The following FBXL19 variants were observed in gnomAD, a reference collection of about 807,000 sequenced individuals.
The protein encoded by FBXL19 is F-box and leucine rich repeat protein 19, also known as F-box/LRR-repeat protein 19.
A neutral mutation model predicts 71.2 loss-of-function variants in FBXL19; 16 were observed. That is an observed-to-expected ratio of 0.22 (90% confidence interval 0.15 to 0.34). The LOEUF is 0.34. FBXL19 is among the 10% of genes least tolerant of loss of function. The pLI is 1.00. For synonymous variants in FBXL19, 447 were observed against 409.4 expected (o/e 1.09, Z -1.11); for missense variants, 658 against 968.2 (o/e 0.68, Z 4.25).
chr16:30,927,566 C>T lies in FBXL19; in HGVS notation c.322-7C>T. ...CAACCCCCCACTCACTGCCCTCCTGCCTACAGATGGGGAAGGCTGAGGGTG... is the reference window on the plus strand; with the variant it reads ...CAACCCCCCACTCACTGCCCTCCTGTCTACAGATGGGGAAGGCTGAGGGTG... On this transcript the variant is annotated splice_region_variant and splice_polypyrimidine_tract_variant and intron_variant, in intron 3 of 10. Transcript: ENST00000338343. The T allele has an allele frequency of 1.9e-6, 3 of 1,556,478 alleles. No homozygotes were observed. The highest frequency in any genetic ancestry group is 1.9e-5 in the Admixed American group (1 of 51,352).
chr16:30,938,155 G>A (rs1268092394), intron 7 of FBXL19, among the ~76,000 whole-genome samples: 1 of 152,094 alleles, frequency 6.6e-6, no homozygotes, highest in African/African-American at 2.4e-5. Flanking sequence ...ACAGGAGAGC[G>A]AGTGGCAGAG....
chr16:30,948,066 G>A lies in FBXL19; in HGVS notation c.*836G>A, dbSNP rs2055882823. The A allele has an allele frequency of 6.8e-6, 2 of 293,878 alleles. No homozygotes were observed. The highest frequency in any genetic ancestry group is 1.1e-4 in the East Asian group (1 of 8,814). 18.2% of individuals were successfully genotyped at this position (293,878 alleles called of 1,614,324 possible). On this transcript the variant is annotated 3_prime_UTR_variant, in exon 11 of 11. Coordinates refer to ENST00000338343, the MANE Select transcript of FBXL19 (RefSeq NM_001382779.1). The stretch of plus-strand genomic sequence containing the variant: ...GGGGAATCTCGGACCTGGGGGAGCC[G>A]GGGTGTGAGGGGACTGGACCAGCTT...
chr16:30,932,265 G>A (rs1286737169), intron 7 of FBXL19, among the ~76,000 whole-genome samples: 2 of 152,184 alleles, frequency 1.3e-5, no homozygotes, highest in African/African-American at 4.8e-5. Context: ...CAGCCTGTCA[G>A]GCCTCAGAAT....
rs997381537 is a variant in FBXL19 at position 30,928,355 on chromosome 16, G to C, written c.628-112G>C. The C allele has an allele frequency of 2.6e-6, 3 of 1,164,540 alleles. No individual in the cohort carries two copies. In the Admixed American group the frequency reaches 1.0e-4, roughly 39 times the overall value. The allele number at this position is 1,164,540 out of a possible 1,614,324, so 72.1% of individuals were successfully genotyped here. A position where few individuals can be genotyped will look rare whatever the true frequency, so the allele number is the denominator to read the frequency against. Reference sequence around the variant, plus strand: ...GCATGCTCAGAGTTATCCCTGGGACGGGGGCTTCTGGGACTTGTAGTCTAA... The same window carrying C: ...GCATGCTCAGAGTTATCCCTGGGACCGGGGCTTCTGGGACTTGTAGTCTAA... On this transcript the variant is annotated intron_variant, in intron 5 of 10. Coordinates refer to ENST00000338343, the MANE Select transcript of FBXL19 (RefSeq NM_001382779.1).
intron 7 of FBXL19, among the ~76,000 whole-genome samples, chr16:30,937,619 A>G (rs1402375153): frequency 1.3e-5 from 2 of 152,102 alleles, no homozygotes; most frequent in Non-Finnish European, 2.9e-5. Flanking sequence ...GCTGTAGCCA[A>G]GGAAGGTGTG....
At position 30,930,106 on chromosome 16, in the gene FBXL19, C is replaced by G; in HGVS notation, c.823C>G (p.Pro275Ala). Residue 275 changes from proline to alanine, a missense_variant, in exon 7 of 11, where the codon CCA becomes GCA. Coordinates refer to ENST00000338343, the MANE Select transcript of FBXL19 (RefSeq NM_001382779.1). The surrounding 1 kb of genome is among the most constrained non-coding windows in gnomAD (Gnocchi z 8.5). ...PKPPLASAEG[P>A]AVPSPSPQRE... ...GCCGCCTTTGGCCTCTGCAGAGGGCCCAGCGGTGCCGTCCCCGTCCCCGCA... is the reference window on the plus strand; with the variant it reads ...GCCGCCTTTGGCCTCTGCAGAGGGCGCAGCGGTGCCGTCCCCGTCCCCGCA... 1 of 1,613,546 alleles carries G rather than the reference C, an allele frequency of 6.2e-7. No homozygotes were observed. Among genetic ancestry groups the G allele is most frequent in the Non-Finnish European group, 8.5e-7 (1 of 1,179,844 alleles).
chr16:30,923,135 G>T (rs2143290529), upstream of FBXL19: 1 of 456,734 alleles, frequency 2.2e-6, no homozygotes, highest in South Asian at 1.5e-5. Context: ...GCAGCAGATG[G>T]ACTGCGACTC....
Position 30,946,634 on chromosome 16 carries a change from A to G in FBXL19, c.1628-96A>G. ...AGCCACAGAGTGCACCAGGTCACTCACTTATGTGGGAAGCAGGTGGAGGGC... is the reference window on the plus strand; with the variant it reads ...AGCCACAGAGTGCACCAGGTCACTCGCTTATGTGGGAAGCAGGTGGAGGGC... On this transcript the variant is annotated intron_variant, in intron 9 of 10. Transcript: ENST00000338343. This position sits in a 1 kb window ranked among gnomAD's most constrained non-coding sequence, Gnocchi z 6.7. 2 of 1,212,656 alleles carry G rather than the reference A, an allele frequency of 1.6e-6. No homozygotes were observed. The highest frequency in any genetic ancestry group is 2.3e-6 in the Non-Finnish European group (2 of 866,544). 75.1% of individuals were successfully genotyped at this position (1,212,656 alleles called of 1,614,324 possible).
intron 6 of FBXL19, among the ~76,000 whole-genome samples, chr16:30,929,095 G>T (rs746895730): frequency 1.1e-4 from 17 of 152,128 alleles, no homozygotes; most frequent in Non-Finnish European, 1.9e-4. Flanking sequence ...AGGGAAATAA[G>T]GCCCAGAGAG....
intron 7 of FBXL19, among the ~76,000 whole-genome samples, chr16:30,935,715 C>T (rs1031482837): frequency 6.6e-6 from 1 of 152,060 alleles, no homozygotes; most frequent in African/African-American, 2.4e-5. Flanking sequence ...AAGGGCTGGT[C>T]CAGCTCCCTG....
chr16:30,942,027 G>T lies in FBXL19; in HGVS notation c.1302-89G>T, dbSNP rs2143381149. 2 of 1,387,374 alleles carry T rather than the reference G, an allele frequency of 1.4e-6. No homozygotes were observed. Among genetic ancestry groups the T allele is most frequent in the East Asian group, 5.1e-5 (2 of 39,410 alleles). The allele number at this position is 1,387,374 out of a possible 1,614,324, so 85.9% of individuals were successfully genotyped here. A position where few individuals can be genotyped will look rare whatever the true frequency, so the allele number is the denominator to read the frequency against. ...TGTCTGTGTGGCCAGAAGAGAGCTG[G>T]GGTGCACCCTTGGAGCTGGGGAGCC... On this transcript the variant is annotated intron_variant, in intron 7 of 10. Coordinates refer to ENST00000338343, the MANE Select transcript of FBXL19 (RefSeq NM_001382779.1). This position sits in a 1 kb window ranked among gnomAD's most constrained non-coding sequence, Gnocchi z 5.7.
At position 30,947,159 on chromosome 16, in the gene FBXL19, C is replaced by T; in HGVS notation, c.1954C>T (p.Arg652Trp). ...CRQLSPEACA[R>W]LAAAGPPGPF... Reference sequence around the variant, plus strand: ...CCAGCTCTCACCCGAAGCTTGTGCCCGGCTGGCAGCTGCCGGGCCCCCTGG... The same window carrying T: ...CCAGCTCTCACCCGAAGCTTGTGCCTGGCTGGCAGCTGCCGGGCCCCCTGG... The change falls in exon 11 of 11, where the codon CGG (arginine) becomes TGG (tryptophan). Residue 652 changes from arginine (R) to tryptophan (W), a missense_variant. Transcript: ENST00000338343. The T allele has an allele frequency of 6.3e-7, 1 of 1,599,902 alleles. No individual in the cohort carries two copies. Among genetic ancestry groups the T allele is most frequent in the East Asian group, 2.2e-5 (1 of 44,846 alleles).
At chr16:30,944,519 C>A (rs930270993) in intron 9 of FBXL19, among the ~76,000 whole-genome samples, 1 of 152,096 alleles carries the variant, frequency 6.6e-6, no homozygotes, top group Non-Finnish European at 1.5e-5. Flanking sequence ...AGGACATGAT[C>A]TTGTTCTTTT....
At chr16:30,937,827 A>G (rs2055755958) in intron 7 of FBXL19, among the ~76,000 whole-genome samples, 1 of 152,102 alleles carries the variant, frequency 6.6e-6, no homozygotes, top group Non-Finnish European at 1.5e-5. Context: ...CCCCAGGGAA[A>G]GGGGCTTCCT....
intron 7 of FBXL19, among the ~76,000 whole-genome samples, chr16:30,940,394 T>G (rs1056678252): frequency 6.7e-6 from 1 of 149,720 alleles, no homozygotes; most frequent in African/African-American, 2.5e-5. Flanking sequence ...CACCCCAGCC[T>G]GGGTGACTAA....
chr16:30,938,479 C>T (rs1167070536), intron 7 of FBXL19, among the ~76,000 whole-genome samples: 2 of 152,098 alleles, frequency 1.3e-5, no homozygotes. Flanking sequence ...GAGCTCTAGC[C>T]TGGGCGACAG....
Position 30,923,691 on chromosome 16 carries a change from C to G in FBXL19, c.-793C>G, listed in dbSNP as rs1300255167. On this transcript the variant is annotated 5_prime_UTR_variant, in exon 1 of 11. Transcript: ENST00000338343. ...TGAGACACCCCAACTGCCCCCTTCC[C>G]CTTTCCCTCTCCCCCTCTATCCTTT... 1.3e-5 allele frequency among the ~76,000 whole-genome samples: 2 copies of G among 151,608 alleles called. No individual in the cohort carries two copies. Among genetic ancestry groups the G allele is most frequent in the Admixed American group, 6.6e-5 (1 of 15,250 alleles).
At chr16:30,928,756 C>G (rs952890548) in intron 6 of FBXL19, 128 bp downstream of exon 6, 3 of 210,112 alleles carry the variant, frequency 1.4e-5, no homozygotes, top group Non-Finnish European at 2.2e-5. Flanking sequence ...GGTGGGTGTC[C>G]GGACACCTGG....
At chr16:30,936,978 T>C (rs1229181911) in intron 7 of FBXL19, among the ~76,000 whole-genome samples, 1 of 151,902 alleles carries the variant, frequency 6.6e-6, no homozygotes, top group African/African-American at 2.4e-5. Flanking sequence ...CCTGACCTCG[T>C]GATCCGCCCT....
Sources: gnomAD v4.1 joint callset for allele counts (sites outside exome capture counted in the v4.1 genomes callset) on GRCh38, gnomAD v4.1.1 for gene constraint, Gnocchi (gnomAD v3.1) non-coding constraint, MANE v1.5 for transcripts, NCBI Gene and HGNC (gene_info 2026-07-23, HGNC 2026-07-21) for gene names.